The following SORCS3 variants were observed in gnomAD, a reference collection of about 807,000 sequenced individuals.
SORCS3 encodes VPS10 domain-containing receptor SorCS3.
In SORCS3, 57 loss-of-function variants were observed where a neutral mutation model predicts 146.3. The ratio of observed to expected loss-of-function variants is 0.39; its 90% confidence interval spans 0.31 to 0.49. SORCS3 has a LOEUF of 0.49. SORCS3 is among the 20% of genes least tolerant of loss of function. SORCS3 has a pLI of 0.92. For synonymous variants in SORCS3, 653 were observed against 618.5 expected (o/e 1.06, Z -0.83); for missense variants, 1,341 against 1,575.5 (o/e 0.85, Z 2.52).
chr10:105,191,041 A>C (rs2119593151), intron 14 of SORCS3, among the ~76,000 whole-genome samples: 1 of 152,348 alleles, frequency 6.6e-6, no homozygotes, highest in South Asian at 2.1e-4. Flanking sequence ...CATCTGGGCC[A>C]TCTAATATGA....
chr10:104,897,142 A>G (rs1050670323), intron 2 of SORCS3, among the ~76,000 whole-genome samples: 3 of 152,148 alleles, frequency 2.0e-5, no homozygotes, highest in Non-Finnish European at 4.4e-5. Flanking sequence ...AAGCAATAAT[A>G]CTTTCAGCTT....
intron 3 of SORCS3, among the ~76,000 whole-genome samples, chr10:104,963,934 A>G (rs1358025353): frequency 6.6e-6 from 1 of 152,146 alleles, no homozygotes. Context: ...CTCTACATCT[A>G]ATCTGTAAGC....
Position 104,781,151 on chromosome 10 carries a change from C to A in SORCS3, c.628-61641C>A, listed in dbSNP as rs140676946. ...TAGTAATGCTGATATCTGACATCTG[C>A]AGAACGCTTTATAGCTCAGATCTCA... On this transcript the variant is annotated intron_variant, in intron 1 of 26. Coordinates refer to ENST00000369701, the MANE Select transcript of SORCS3 (RefSeq NM_014978.3). Among the ~76,000 whole-genome samples, 428 of 152,278 alleles carry A rather than the reference C, an allele frequency of 2.8e-3. 1 individual carries two copies. The highest frequency in any genetic ancestry group is 5.1e-3 in the Admixed American group (78 of 15,306).
intron 9 of SORCS3, among the ~76,000 whole-genome samples, chr10:105,150,528 A>G (rs770936830): frequency 6.6e-6 from 1 of 152,150 alleles, no homozygotes; most frequent in African/African-American, 2.4e-5. Context: ...AGTGAAGAAG[A>G]AGGAGGCATT....
chr10:104,647,613 C>T lies in SORCS3; in HGVS notation c.627+5659C>T, dbSNP rs780420153. Reference sequence around the variant, plus strand: ...CTCATCCGTGCCTGGCAGCATGTGCCGTAGGGTAGTACATAGCTCAGTAAT... The same window carrying T: ...CTCATCCGTGCCTGGCAGCATGTGCTGTAGGGTAGTACATAGCTCAGTAAT... On this transcript the variant is annotated intron_variant, in intron 1 of 26. Transcript: ENST00000369701. Among the ~76,000 whole-genome samples the T allele has an allele frequency of 7.2e-5, 11 of 152,206 alleles. No homozygotes were observed. The South Asian group carries it at 1.0e-3, about 14-fold the overall frequency.
intron 1 of SORCS3, among the ~76,000 whole-genome samples, chr10:104,679,397 G>A (rs2015946218): frequency 6.6e-6 from 1 of 152,162 alleles, no homozygotes; most frequent in Non-Finnish European, 1.5e-5. Context: ...AATATTACCA[G>A]ATGCTTTCTT....
At chr10:104,731,300 A>G (rs912172703) in intron 1 of SORCS3, among the ~76,000 whole-genome samples, 1 of 152,222 alleles carries the variant, frequency 6.6e-6, no homozygotes, top group African/African-American at 2.4e-5. Flanking sequence ...TGGGGATATC[A>G]TGGCTATCTT....
At chr10:104,797,290 T>C (rs1251890553) in intron 1 of SORCS3, among the ~76,000 whole-genome samples, 1 of 152,190 alleles carries the variant, frequency 6.6e-6, no homozygotes, top group Non-Finnish European at 1.5e-5. Context: ...TGATAGTACT[T>C]GAGGTAAATG....
intron 1 of SORCS3, among the ~76,000 whole-genome samples, chr10:104,645,399 G>C (rs1197420356): frequency 1.3e-5 from 2 of 152,172 alleles, no homozygotes; most frequent in African/African-American, 4.8e-5. Context: ...AATGGCTCTG[G>C]AGAGTGGAAA....
intron 20 of SORCS3, among the ~76,000 whole-genome samples, chr10:105,227,191 A>G (rs1267856520): frequency 5.3e-5 from 8 of 151,990 alleles, no homozygotes; most frequent in African/African-American, 7.2e-5. Context: ...AATTATTGCT[A>G]TAAGCGTACC....
intron 1 of SORCS3, among the ~76,000 whole-genome samples, chr10:104,684,779 G>GTTTTT (rs764055039): frequency 1.2e-5 from 1 of 81,574 alleles, no homozygotes; most frequent in Non-Finnish European, 2.3e-5. Context: ...AGTCCTCAGT[G>GTTTTT]TTTTTTTTTT....
chr10:104,980,076 G>A (rs999059391), intron 4 of SORCS3, among the ~76,000 whole-genome samples: 1 of 152,178 alleles, frequency 6.6e-6, no homozygotes, highest in African/African-American at 2.4e-5. Flanking sequence ...CATTGCTCAT[G>A]AAGTACCCTT....
chr10:104,993,618 C>T (rs1564730632), intron 4 of SORCS3, among the ~76,000 whole-genome samples: 1 of 130,288 alleles, frequency 7.7e-6, no homozygotes, highest in Non-Finnish European at 1.7e-5. Context: ...ATTCACTCTC[C>T]CTTGAGTCTA....
chr10:105,240,422 C>T (rs529933042), intron 20 of SORCS3, among the ~76,000 whole-genome samples: 34 of 152,246 alleles, frequency 2.2e-4, no homozygotes, highest in South Asian at 1.5e-3. Flanking sequence ...TAAAACAAAA[C>T]GGAAAACTGA....
intron 5 of SORCS3, among the ~76,000 whole-genome samples, chr10:105,075,488 A>T (rs1161575636): frequency 6.6e-6 from 1 of 152,110 alleles, no homozygotes; most frequent in Non-Finnish European, 1.5e-5. Context: ...GCTTAGGGGT[A>T]GGTGCAGGTG....
At chr10:104,662,016 G>A (rs1033352407) in intron 1 of SORCS3, among the ~76,000 whole-genome samples, 1 of 152,196 alleles carries the variant, frequency 6.6e-6, no homozygotes, top group Non-Finnish European at 1.5e-5. Context: ...AACTTTATGA[G>A]TTGGAGGTTA....
chr10:105,242,625 T>C (rs375368679), intron 20 of SORCS3, among the ~76,000 whole-genome samples: 4,163 of 98,350 alleles, frequency 0.042, 178 homozygotes, highest in Middle Eastern at 0.1. Flanking sequence ...TATTTATATA[T>C]ATTTATATAC....
chr10:104,780,736 C>A (rs1213138202), intron 1 of SORCS3, among the ~76,000 whole-genome samples: 2 of 152,202 alleles, frequency 1.3e-5, no homozygotes, highest in African/African-American at 4.8e-5. Context: ...GAGACCAGCC[C>A]TAGAGTTGTT....
At chr10:104,735,464 T>TG (rs1364342979) in intron 1 of SORCS3, among the ~76,000 whole-genome samples, 1 of 136,686 alleles carries the variant, frequency 7.3e-6, no homozygotes, top group African/African-American at 2.7e-5. Flanking sequence ...CTGTTTTTTT[T>TG]TTTTTTTTTT....
Sources: gnomAD v4.1 joint callset for allele counts (sites outside exome capture counted in the v4.1 genomes callset) on GRCh38, gnomAD v4.1.1 for gene constraint, MANE v1.5 for transcripts, NCBI Gene and HGNC (gene_info 2026-07-23, HGNC 2026-07-21) for gene names.